Variants in VARS2 observed in about 807,000 individuals in gnomAD.
VARS2 encodes the protein valyl-tRNA synthetase 2, mitochondrial, also known as valine--tRNA ligase, mitochondrial.
In VARS2, 105 loss-of-function variants were observed where a neutral mutation model predicts 154.1. The ratio of observed to expected loss-of-function variants is 0.68; its 90% confidence interval spans 0.58 to 0.80. VARS2 has a LOEUF of 0.80. Among genes scored for constraint, VARS2 ranks in the 30% least tolerant of loss-of-function variants. VARS2 has a pLI of 0.00. For missense variants in VARS2, 1,157 were observed against 1,361.4 expected (o/e 0.85, Z 2.36); for synonymous variants, 483 against 539.5 (o/e 0.90, Z 1.45).
chr6:30,918,674 C>A lies in VARS2; in HGVS notation c.986-153C>A, dbSNP rs764538861. On this transcript the variant is annotated intron_variant, in intron 10 of 29. Transcript: ENST00000676266. ...GGGAAACCCTGGGTTCCTATAAACA[C>A]TGCTCCTACTTTTTTCTAGTCACTC... The A allele has an allele frequency of 3.6e-6, 2 of 552,748 alleles. 1 individual carries two copies. Among genetic ancestry groups the A allele is most frequent in the Non-Finnish European group, 6.7e-6 (2 of 297,526 alleles). The allele number at this position is 552,748 out of a possible 1,614,324, so 34.2% of individuals were successfully genotyped here.
chr6:30,923,808 C>T, intron 25 of VARS2: 1 of 453,230 alleles, frequency 2.2e-6, no homozygotes, highest in Non-Finnish European at 3.9e-6. Flanking sequence ...CTGAGTTTGG[C>T]CCATGGGCAG....
rs551294034 is a variant in VARS2 at position 30,916,119 on chromosome 6, G to T, written c.574-33G>T. ...TTCCCCCAAAGCAACCAAGCAACCT[G>T]ACTCTGTTCATTTGCCCTGAATCCA... On this transcript the variant is annotated intron_variant, in intron 6 of 29. Coordinates refer to ENST00000676266, the MANE Select transcript of VARS2 (RefSeq NM_020442.6). The surrounding 1 kb of genome is among the most constrained non-coding windows in gnomAD (Gnocchi z 4.0). 6.3e-7 allele frequency: 1 copy of T among 1,597,712 alleles called. No homozygotes were observed. The highest frequency in any genetic ancestry group is 1.1e-5 in the South Asian group (1 of 89,168).
chr6:30,921,638 A>C lies in VARS2; in HGVS notation c.1682A>C (p.Glu561Ala). The C allele has an allele frequency of 6.2e-7, 1 of 1,609,586 alleles. No homozygotes were observed. Among genetic ancestry groups the C allele is most frequent in the Non-Finnish European group, 8.5e-7 (1 of 1,179,192 alleles). Residue 561 changes from glutamate to alanine, a missense_variant, in exon 18 of 30, where the codon GAG (glutamate) becomes GCG (alanine). Physicochemically the swap from Glu to Ala is moderately radical, Grantham distance 107. Coordinates refer to ENST00000676266, the MANE Select transcript of VARS2 (RefSeq NM_020442.6). This position sits in a 1 kb window ranked among gnomAD's most constrained non-coding sequence, Gnocchi z 4.6. ...GGGCGGTCAGAGGCTGAGGCCAGAGAGGTAGCAGCGGAACTGACAGGGAGG... is the reference window on the plus strand; with the variant it reads ...GGGCGGTCAGAGGCTGAGGCCAGAGCGGTAGCAGCGGAACTGACAGGGAGG... ...VVGRSEAEAR[E>A]VAAELTGRPG...
At position 30,920,984 on chromosome 6, in the gene VARS2, C is replaced by G. The variant is rs1794471759; in HGVS notation, c.1480-81C>G. The G allele has an allele frequency of 7.0e-7, 1 of 1,420,512 alleles. No individual in the cohort carries two copies. Among genetic ancestry groups the G allele is most frequent in the African/African-American group, 1.4e-5 (1 of 69,396 alleles). The allele number at this position is 1,420,512 out of a possible 1,614,324, so 88.0% of individuals were successfully genotyped here. A position where few individuals can be genotyped will look rare whatever the true frequency, so the allele number is the denominator to read the frequency against. On this transcript the variant is annotated intron_variant, in intron 15 of 29. Coordinates refer to ENST00000676266, the MANE Select transcript of VARS2 (RefSeq NM_020442.6). This position sits in a 1 kb window ranked among gnomAD's most constrained non-coding sequence, Gnocchi z 4.6. ...AGGTCCTTTCTGAGTTTTAAAATGA[C>G]CTCAGAGGCCACTCGTCCTATCTGT...
At chr6:30,922,372 C>A in intron 20 of VARS2, 78 bp from the exon 21 acceptor site, 1 of 1,603,906 alleles carries the variant, frequency 6.2e-7, no homozygotes, top group Non-Finnish European at 8.5e-7. Context: ...TCCTACCCTA[C>A]CCCCAAAAGT....
At chr6:30,918,702 G>A in intron 10 of VARS2, 125 bp from the exon 11 acceptor site, 2 of 718,090 alleles carry the variant, frequency 2.8e-6, no homozygotes, top group Non-Finnish European at 2.4e-6. Context: ...AGTCACTCCT[G>A]GGGGCCTCTT....
In VARS2 at chr6:30,915,028, G is replaced by GGA. The variant is rs1794061834; in HGVS notation, c.196_197dup (p.Ser66ArgfsTer17). 6.2e-7 allele frequency: 1 copy of GGA among 1,613,306 alleles called. No individual in the cohort carries two copies. The highest frequency in any genetic ancestry group is 1.7e-5 in the Admixed American group (1 of 59,908). On this transcript the variant is annotated frameshift_variant, in exon 2 of 30. Transcript: ENST00000676266. LOFTEE classifies it high-confidence loss of function. ...CGACTCTGGAGGCTGAGATAGCAGG[G>GGA]GAGAGCAAGGTTAGGGGTCAGACAG...
rs1489326647 is a variant in VARS2 at position 30,916,740 on chromosome 6, A to G, written c.672-138A>G. On this transcript the variant is annotated intron_variant, in intron 7 of 29. Transcript: ENST00000676266. The surrounding 1 kb of genome is among the most constrained non-coding windows in gnomAD (Gnocchi z 4.0). ...ATACTGGGTTTGTAAGTCCATTTCTATTAGCCTCTAGAGGCTAGATCAATG... is the reference window on the plus strand; with the variant it reads ...ATACTGGGTTTGTAAGTCCATTTCTGTTAGCCTCTAGAGGCTAGATCAATG... The G allele has an allele frequency of 5.1e-6, 4 of 782,522 alleles. No homozygotes were observed. The East Asian group carries it at 7.8e-5, about 15-fold the overall frequency. 48.5% of individuals were successfully genotyped at this position (782,522 alleles called of 1,614,324 possible).
rs572594078 is a variant in VARS2, at chr6:30,919,692, C to A, written c.1075-66C>A. 2.1e-5 allele frequency: 27 copies of A among 1,286,692 alleles called. No homozygotes were observed. The highest frequency in any genetic ancestry group is 5.4e-5 in the Admixed American group (2 of 36,804). The allele number at this position is 1,286,692 out of a possible 1,614,324, so 79.7% of individuals were successfully genotyped here. A position where few individuals can be genotyped will look rare whatever the true frequency, so the allele number is the denominator to read the frequency against. ...TACCTTCTTATTCCTGGGGTTCTCACGCCCCAGCCCAGACCCTTCCAACCC... is the reference window on the plus strand; with the variant it reads ...TACCTTCTTATTCCTGGGGTTCTCAAGCCCCAGCCCAGACCCTTCCAACCC... On this transcript the variant is annotated intron_variant, in intron 11 of 29. Transcript: ENST00000676266. This position sits in a 1 kb window ranked among gnomAD's most constrained non-coding sequence, Gnocchi z 4.5.
chr6:30,922,418 A>AC (rs1562458944), intron 20 of VARS2, 32 bp from the exon 21 acceptor site: 3 of 1,608,282 alleles, frequency 1.9e-6, no homozygotes, highest in Non-Finnish European at 2.5e-6. Context: ...CTCCAAGGAA[A>AC]CCCCCCTCTG....
rs1160466039 is a variant in VARS2 at position 30,921,834 on chromosome 6, G to C, written c.1736-91G>C. On this transcript the variant is annotated intron_variant, in intron 18 of 29. Coordinates refer to ENST00000676266, the MANE Select transcript of VARS2 (RefSeq NM_020442.6). This position sits in a 1 kb window ranked among gnomAD's most constrained non-coding sequence, Gnocchi z 4.6. ...CAAAGGGGACAGCCCTGGTCTCTGG[G>C]GGTGGGGGTTGGCCTAGAATGGTGG... The C allele has an allele frequency of 4.4e-5, 70 of 1,574,132 alleles. No homozygotes were observed. The highest frequency in any genetic ancestry group is 5.8e-5 in the Non-Finnish European group (66 of 1,147,696).
chr6:30,916,976 TTGGTCCCTGTGAGTGA>T lies in VARS2; in HGVS notation c.753+21_753+36del. ...ATGGATGTTGTGAGTGTTCTGTGCC[TTGGTCCCTGTGAGTGA>T]TGGGCGATGTTTAGGGATCTGTGTG... On this transcript the variant is annotated intron_variant, in intron 8 of 29. Transcript: ENST00000676266. The surrounding 1 kb of genome is among the most constrained non-coding windows in gnomAD (Gnocchi z 4.0). 1 of 1,614,106 alleles carries T rather than the reference TTGGTCCCTGTGAGTGA, an allele frequency of 6.2e-7. No homozygotes were observed. The highest frequency in any genetic ancestry group is 8.5e-7 in the Non-Finnish European group (1 of 1,180,014).
Position 30,916,371 on chromosome 6 carries a change from G to GCTTCC in VARS2, c.671+122_671+123insCTTCC. 4 of 825,544 alleles carry GCTTCC rather than the reference G, an allele frequency of 4.8e-6. No individual in the cohort carries two copies. Among genetic ancestry groups the GCTTCC allele is most frequent in the South Asian group, 3.7e-5 (2 of 53,396 alleles). The allele number at this position is 825,544 out of a possible 1,614,324, so 51.1% of individuals were successfully genotyped here. On this transcript the variant is annotated intron_variant, in intron 7 of 29. Coordinates refer to ENST00000676266, the MANE Select transcript of VARS2 (RefSeq NM_020442.6). The surrounding 1 kb of genome is among the most constrained non-coding windows in gnomAD (Gnocchi z 4.0). ...CCGACACAGCTCTGACTTCCTCAGA[G>GCTTCC]ATGGAAGCTCTGGAGCCTGTTAACA...
intron 20 of VARS2, 91 bp downstream of exon 20, chr6:30,922,332 A>T: frequency 6.3e-7 from 1 of 1,594,262 alleles, no homozygotes; most frequent in Non-Finnish European, 8.5e-7. Flanking sequence ...GGTCCTTTCC[A>T]CGTTGCTGAT....
intron 25 of VARS2, 102 bp downstream of exon 25, chr6:30,923,607 C>T (rs1794672365): frequency 4.0e-6 from 6 of 1,494,890 alleles, no homozygotes; most frequent in African/African-American, 1.4e-5. Context: ...TCCCAATTGT[C>T]CCCTCAGTTA....
At position 30,926,070 on chromosome 6, in the gene VARS2, C is replaced by T. The variant is rs775473184; in HGVS notation, c.3091-39C>T. 17 of 1,612,862 alleles carry T rather than the reference C, an allele frequency of 1.1e-5. No individual in the cohort carries two copies. In the South Asian group the frequency reaches 1.9e-4, roughly 18 times the overall value. On this transcript the variant is annotated intron_variant, in intron 29 of 29. Transcript: ENST00000676266. ...TGAGGGAATGTGGGCCAGGAGGGGC[C>T]TCATTCCTGGATCCTCACCTCCTTT...
chr6:30,923,518 G>C lies in VARS2; in HGVS notation c.2466+13G>C, dbSNP rs748460722. 1.4e-5 allele frequency: 23 copies of C among 1,603,182 alleles called. No homozygotes were observed. In the South Asian group the frequency reaches 2.5e-4, roughly 18 times the overall value. ...TGACGTCTACCTGGTGAGTGAGGCT[G>C]GGGGAGGCTTGGTATTCCCATGCCT... On this transcript the variant is annotated intron_variant, in intron 25 of 29. Coordinates refer to ENST00000676266, the MANE Select transcript of VARS2 (RefSeq NM_020442.6).
intron 1 of VARS2, 106 bp from the exon 2 acceptor site, chr6:30,914,704 C>T: frequency 8.2e-7 from 1 of 1,214,586 alleles, no homozygotes; most frequent in South Asian, 1.5e-5. Context: ...GGAATAGAGA[C>T]TTGGAATAAC....
intron 29 of VARS2, 50 bp downstream of exon 29, chr6:30,926,058 G>GC: frequency 6.2e-7 from 1 of 1,612,968 alleles, no homozygotes; most frequent in South Asian, 1.1e-5. Context: ...GGGAATGTGG[G>GC]CCAGGAGGGG....
Sources: gnomAD v4.1 joint callset for allele counts on GRCh38, gnomAD v4.1.1 for gene constraint, Gnocchi (gnomAD v3.1) non-coding constraint, MANE v1.5 for transcripts, NCBI Gene and HGNC (gene_info 2026-07-23, HGNC 2026-07-21) for gene names.